MIPOL1: variants seen among roughly 807,000 people sequenced by gnomAD.
MIPOL1 encodes the protein mirror-image polydactyly 1, also known as mirror-image polydactyly gene 1 protein.
Under a neutral mutation model 60.9 loss-of-function variants are expected in MIPOL1, and 57 were observed. That is an observed-to-expected ratio of 0.94 (90% CI 0.76 to 1.17). The LOEUF is 1.17. Among genes scored for constraint, MIPOL1 ranks in the 50% most tolerant of loss-of-function variants. MIPOL1 has a pLI of 0.00. For missense variants in MIPOL1, 551 were observed against 511.6 expected (o/e 1.08, Z -0.74); for synonymous variants, 179 against 168.8 (o/e 1.06, Z -0.47).
rs1013928576 is a variant in MIPOL1, at chr14:37,305,322, G to A, written c.624-2734G>A. Among the ~76,000 whole-genome samples, 243 of 151,896 alleles carry A rather than the reference G, an allele frequency of 1.6e-3. 6 individuals carry two copies. Among genetic ancestry groups the A allele is most frequent in the Admixed American group, 0.016 (242 of 15,200 alleles). The stretch of plus-strand genomic sequence containing the variant: ...ACAGTGCATTAACATCAAAGATCTA[G>A]TCTCATTTTCCAACACTCTGTATCA... On this transcript the variant is annotated intron_variant, in intron 7 of 12. Coordinates refer to ENST00000684589, the MANE Select transcript of MIPOL1 (RefSeq NM_001388067.1).
At chr14:37,533,353 T>G (rs1424924297) in intron 12 of MIPOL1, among the ~76,000 whole-genome samples, 1 of 152,122 alleles carries the variant, frequency 6.6e-6, no homozygotes, top group Non-Finnish European at 1.5e-5. Flanking sequence ...TGATTCCCGA[T>G]AAGAAAAAGC....
chr14:37,468,580 T>C (rs2094633232), intron 11 of MIPOL1, among the ~76,000 whole-genome samples: 1 of 152,168 alleles, frequency 6.6e-6, no homozygotes, highest in African/African-American at 2.4e-5. Flanking sequence ...TGTCATCCAC[T>C]AAAACATAAA....
chr14:37,270,502 C>T lies in MIPOL1; in HGVS notation c.470C>T (p.Ala157Val). 1.3e-6 allele frequency: 2 copies of T among 1,595,684 alleles called. No individual in the cohort carries two copies. Among genetic ancestry groups the T allele is most frequent in the South Asian group, 1.1e-5 (1 of 88,618 alleles). ...KLELQEKETEAKIAEKTAALV... is the reference protein window; with the variant it reads ...KLELQEKETEVKIAEKTAALV... ...GAACTCCAAGAGAAAGAAACAGAAG[C>T]TAAAATTGCTGAAAAGACAGCAGGT... Residue 157 changes from alanine to valine, a missense_variant, in exon 6 of 13, where the codon GCT becomes GTT. Transcript: ENST00000684589.
At chr14:37,258,430 A>G (rs1975324826) in intron 3 of MIPOL1, among the ~76,000 whole-genome samples, 1 of 152,134 alleles carries the variant, frequency 6.6e-6, no homozygotes, top group African/African-American at 2.4e-5. Context: ...TTCTAATAAT[A>G]AGAAATTTTG....
chr14:37,314,001 T>G (rs1197235309), intron 9 of MIPOL1, among the ~76,000 whole-genome samples: 1 of 152,190 alleles, frequency 6.6e-6, no homozygotes, highest in Non-Finnish European at 1.5e-5. Context: ...GATCTTACAT[T>G]TCTGTTTTCT....
intron 7 of MIPOL1, among the ~76,000 whole-genome samples, chr14:37,299,374 G>A (rs1048501874): frequency 6.6e-6 from 1 of 151,826 alleles, no homozygotes; most frequent in Non-Finnish European, 1.5e-5. Flanking sequence ...CACCAACATG[G>A]CACATGTATA....
rs543869771 is a variant in MIPOL1, at chr14:37,232,462, T to G, written c.-198-14641T>G. On this transcript the variant is annotated intron_variant, in intron 1 of 12. Coordinates refer to ENST00000684589, the MANE Select transcript of MIPOL1 (RefSeq NM_001388067.1). The stretch of plus-strand genomic sequence containing the variant: ...TATAAAAGGAGAAACATACTAGTAT[T>G]CCAATGATCACCAGGACTTGAGCCA... 8.5e-5 allele frequency among the ~76,000 whole-genome samples: 13 copies of G among 152,312 alleles called. No homozygotes were observed. In the South Asian group the frequency reaches 2.5e-3, roughly 29 times the overall value.
At chr14:37,445,411 T>G (rs1382771994) in intron 11 of MIPOL1, among the ~76,000 whole-genome samples, 1 of 151,992 alleles carries the variant, frequency 6.6e-6, no homozygotes, top group South Asian at 2.1e-4. Context: ...CACTGCTCAA[T>G]GAAATTAAAG....
chr14:37,392,816 A>C (rs1660477086), intron 10 of MIPOL1, among the ~76,000 whole-genome samples: 1 of 152,184 alleles, frequency 6.6e-6, no homozygotes, highest in African/African-American at 2.4e-5. Context: ...ATAGATATCA[A>C]GTAAGTTATA....
intron 11 of MIPOL1, 145 bp downstream of exon 11, chr14:37,423,094 A>G: frequency 1.8e-6 from 1 of 559,838 alleles, no homozygotes; most frequent in Non-Finnish European, 3.2e-6. Flanking sequence ...AAAAAGATTC[A>G]GGCTTATAGT....
intron 3 of MIPOL1, among the ~76,000 whole-genome samples, chr14:37,261,852 T>C (rs1378127303): frequency 1.3e-5 from 2 of 152,142 alleles, no homozygotes; most frequent in Non-Finnish European, 2.9e-5. Flanking sequence ...TACAGCTATA[T>C]TGTGGAGCCA....
At chr14:37,229,082 G>C (rs918091705) in intron 1 of MIPOL1, among the ~76,000 whole-genome samples, 3 of 152,094 alleles carry the variant, frequency 2.0e-5, no homozygotes, top group Admixed American at 1.3e-4. Flanking sequence ...TACTTTTCTA[G>C]GTATTGTGCA....
At chr14:37,383,194 T>G (rs184502737) in intron 10 of MIPOL1, among the ~76,000 whole-genome samples, 2 of 152,020 alleles carry the variant, frequency 1.3e-5, no homozygotes, top group African/African-American at 4.8e-5. Context: ...TTTTACATAT[T>G]CCATGCAAGT....
At chr14:37,385,562 G>A (rs2093042291) in intron 10 of MIPOL1, 1 of 151,968 alleles carries the variant, frequency 6.6e-6, no homozygotes, top group Non-Finnish European at 1.5e-5. Context: ...TTTTTTTATA[G>A]TACAGAAAAA....
At chr14:37,321,660 T>C (rs2153447250) in intron 9 of MIPOL1, among the ~76,000 whole-genome samples, 1 of 152,182 alleles carries the variant, frequency 6.6e-6, no homozygotes, top group African/African-American at 2.4e-5. Context: ...GTGTCAGTTA[T>C]CAAGAGAGAT....
chr14:37,198,450 C>T (rs1274156902), intron 1 of MIPOL1, among the ~76,000 whole-genome samples: 1 of 152,098 alleles, frequency 6.6e-6, no homozygotes, highest in Admixed American at 6.5e-5. Flanking sequence ...AGTCCTCGCT[C>T]AACCTCTGAT....
chr14:37,425,764 G>A (rs574429083), intron 11 of MIPOL1, among the ~76,000 whole-genome samples: 2 of 152,112 alleles, frequency 1.3e-5, no homozygotes, highest in Non-Finnish European at 2.9e-5. Flanking sequence ...TGAAACCAAA[G>A]AAGATTTCCC....
chr14:37,398,571 C>T (rs919217784), intron 10 of MIPOL1, among the ~76,000 whole-genome samples: 1 of 152,102 alleles, frequency 6.6e-6, no homozygotes, highest in African/African-American at 2.4e-5. Context: ...CCATTTTAGG[C>T]ACATTTCTAG....
At chr14:37,336,270 A>G (rs1392182701) in intron 9 of MIPOL1, among the ~76,000 whole-genome samples, 5 of 151,516 alleles carry the variant, frequency 3.3e-5, no homozygotes, top group Non-Finnish European at 5.9e-5. Context: ...TTACTGGTCT[A>G]CATGTCTGTC....
Sources: allele counts gnomAD v4.1 joint callset (sites outside exome capture counted in the v4.1 genomes callset), GRCh38; gene constraint gnomAD v4.1.1; transcripts MANE v1.5; gene names NCBI Gene and HGNC (gene_info 2026-07-23, HGNC 2026-07-21).